PSD4: variants seen among roughly 807,000 people sequenced by gnomAD.
PSD4 encodes PH and SEC7 domain-containing protein 4.
PSD4 carries 59 observed loss-of-function variants against 112.5 expected under a neutral mutation model. The ratio of observed to expected loss-of-function variants is 0.52; its 90% CI spans 0.43 to 0.65. The LOEUF (loss-of-function observed/expected upper bound fraction) is 0.65, where lower values mean the gene tolerates loss of function less well. Among genes scored for constraint, PSD4 ranks in the 30% least tolerant of loss-of-function variants. PSD4 has a pLI of 0.00. For synonymous variants in PSD4, 533 were observed against 540.0 expected (o/e 0.99, Z 0.18); for missense variants, 1,267 against 1,352.6 (o/e 0.94, Z 0.99).
chr2:113,199,815 C>T (rs1558660011), intron 16 of PSD4, among the ~76,000 whole-genome samples: 1 of 151,944 alleles, frequency 6.6e-6, no homozygotes, highest in Non-Finnish European at 1.5e-5. Context: ...AAGAAATGAC[C>T]GTGTTTTTTT....
rs746182585 is a variant in PSD4, at chr2:113,186,114, A to C, written c.1487A>C (p.Asp496Ala). 6.2e-7 allele frequency: 1 copy of C among 1,614,208 alleles called. No homozygotes were observed. Among genetic ancestry groups the C allele is most frequent in the South Asian group, 1.1e-5 (1 of 91,086 alleles). Reference protein sequence around the residue: ...DASQSSLLETDGEQPSSLKKK... With the variant: ...DASQSSLLETAGEQPSSLKKK... ...TCACAGTCTTCACTCTTGGAGACGG[A>C]TGGGGAACAGCCAAGTTCCTTGAAG... The change falls in exon 5 of 17, where the codon GAT becomes GCT. Residue 496 changes from aspartate to alanine, a missense_variant. Physicochemically the swap from Asp to Ala is moderately radical, Grantham distance 126. This residue lies in a region of PSD4 where 723 missense variants were observed against 704.0 expected (regional missense o/e 1.03). Transcript: ENST00000245796.
chr2:113,197,284 A>T (rs1573376025), intron 12 of PSD4: 1 of 474,094 alleles, frequency 2.1e-6, no homozygotes. Flanking sequence ...GTGTGTTTGG[A>T]GTTGGAGAGA....
intron 5 of PSD4, among the ~76,000 whole-genome samples, chr2:113,187,301 G>T (rs1688327280): frequency 6.6e-6 from 1 of 152,228 alleles, no homozygotes; most frequent in Non-Finnish European, 1.5e-5. Context: ...AGGCACGTGG[G>T]ATTGTCTCCC....
chr2:113,198,712 C>G, intron 14 of PSD4, 28 bp from the exon 15 acceptor site: 5 of 1,516,380 alleles, frequency 3.3e-6, no homozygotes, highest in Non-Finnish European at 4.4e-6. Flanking sequence ...TCTGTGTCCC[C>G]GGGGACCAAC....
Position 113,201,367 on chromosome 2 carries a change from C to T in PSD4, c.3123C>T (p.Arg1041=), listed in dbSNP as rs761683758. 1.9e-6 allele frequency: 3 copies of T among 1,614,182 alleles called. No homozygotes were observed. Among genetic ancestry groups the T allele is most frequent in the Admixed American group, 1.7e-5 (1 of 60,028 alleles). Residue 1041 remains arginine (R), a synonymous_variant, in exon 17 of 17, where the codon CGC becomes CGT. Coordinates refer to ENST00000245796, the MANE Select transcript of PSD4 (RefSeq NM_012455.3). Reference sequence around the variant, plus strand: ...AGGTGAAGCGCAACATCTCAGAGCGCAGAACCTACCGGAAGATCATCCCTA... The same window carrying T: ...AGGTGAAGCGCAACATCTCAGAGCGTAGAACCTACCGGAAGATCATCCCTA... ...TAKVKRNISE[R]RTYRKIIPKR... is the part of the protein sequence containing the mutation.
At chr2:113,195,858 A>C (rs1688593291) in intron 11 of PSD4, 88 bp downstream of exon 11, 1 of 1,545,878 alleles carries the variant, frequency 6.5e-7, no homozygotes. Context: ...CGAGAGTTAG[A>C]GAAACTCAGA....
Position 113,197,714 on chromosome 2 carries a change from A to G in PSD4, c.2458-33A>G, listed in dbSNP as rs762829178. 2.5e-5 allele frequency: 40 copies of G among 1,609,198 alleles called. 2 individuals carry two copies. The South Asian group carries it at 4.2e-4, about 17-fold the overall frequency. ...CAGTCTGGAGGGTGGGCAGCTGATG[A>G]TAACCTCTTCTCTGAGCCCCTGTGA... On this transcript the variant is annotated intron_variant, in intron 13 of 16. Transcript: ENST00000245796.
chr2:113,181,580 C>A (rs1218236605), intron 1 of PSD4, among the ~76,000 whole-genome samples: 2 of 152,186 alleles, frequency 1.3e-5, no homozygotes, highest in African/African-American at 4.8e-5. Flanking sequence ...GACATGGCTG[C>A]CACATCCCAG....
In PSD4 at chr2:113,182,449, C is replaced by T. The variant is rs1023198055; in HGVS notation, c.-8C>T. On this transcript the variant is annotated 5_prime_UTR_variant, in exon 2 of 17. Transcript: ENST00000245796. ...CCGGGGCACTCCTGGGCAGCTTTTG[C>T]TCAGTGGATGATGGGTGACTACAGA... The T allele has an allele frequency of 1.3e-6, 2 of 1,596,056 alleles. No homozygotes were observed. The highest frequency in any genetic ancestry group is 1.7e-6 in the Non-Finnish European group (2 of 1,168,500).
At chr2:113,193,423 G>A (rs1688512286) in intron 8 of PSD4, 53 bp downstream of exon 8, 2 of 1,563,442 alleles carry the variant, frequency 1.3e-6, no homozygotes, top group East Asian at 4.5e-5. Flanking sequence ...GGGTGCCCAT[G>A]TCTGCTTGGG....
At position 113,182,481 on chromosome 2, in the gene PSD4, G is replaced by C. The variant is rs763862893; in HGVS notation, c.25G>C (p.Asp9His). 60 of 1,612,556 alleles carry C rather than the reference G, an allele frequency of 3.7e-5. No homozygotes were observed. Among genetic ancestry groups the C allele is most frequent in the Non-Finnish European group, 4.8e-5 (57 of 1,179,068 alleles). The change falls in exon 2 of 17, where the codon GAC becomes CAC. Residue 9 changes from aspartate to histidine, a missense_variant. Asp to His is a moderately conservative substitution (Grantham distance 81, BLOSUM62 -1). Coordinates refer to ENST00000245796, the MANE Select transcript of PSD4 (RefSeq NM_012455.3). ...GATGATGGGTGACTACAGACTCCCT[G>C]ACCACCCCCAGCCCATGGAAATTCT... Reference protein sequence around the residue: MMGDYRLPDHPQPMEILNL... With the variant: MMGDYRLPHHPQPMEILNL...
intron 1 of PSD4, among the ~76,000 whole-genome samples, chr2:113,178,771 G>A (rs1688045118): frequency 6.6e-6 from 1 of 152,128 alleles, no homozygotes; most frequent in African/African-American, 2.4e-5. Context: ...ATAGGGCCAT[G>A]AGGCTGGCAC....
At chr2:113,177,790 G>A (rs974054385) in intron 1 of PSD4, among the ~76,000 whole-genome samples, 2 of 152,178 alleles carry the variant, frequency 1.3e-5, no homozygotes, top group African/African-American at 4.8e-5. Flanking sequence ...TAAAGAACCT[G>A]CCATCTTGGT....
At chr2:113,196,479 G>C in intron 12 of PSD4, 172 bp downstream of exon 12, 1 of 840,926 alleles carries the variant, frequency 1.2e-6, no homozygotes, top group South Asian at 2.0e-5. Context: ...TGGATGCTGT[G>C]TGAGGCACTA....
At chr2:113,182,209 C>A in intron 1 of PSD4, 137 bp from the exon 2 acceptor site, 1 of 462,982 alleles carries the variant, frequency 2.2e-6, no homozygotes, top group Non-Finnish European at 3.9e-6. Context: ...TTACTCCCAG[C>A]AGGGCTGTGG....
Position 113,185,156 on chromosome 2 carries a change from C to G in PSD4, c.1173+83C>G, listed in dbSNP as rs1688259266. 2.5e-6 allele frequency: 4 copies of G among 1,598,726 alleles called. No homozygotes were observed. The South Asian group carries it at 4.5e-5, about 18-fold the overall frequency. ...GCCCATTCATTTCCAGGGCCTAGCA[C>G]CAACAATCCTAGGATGTGGGGCTTC... On this transcript the variant is annotated intron_variant, in intron 3 of 16. Transcript: ENST00000245796.
intron 16 of PSD4, 36 bp downstream of exon 16, chr2:113,199,262 G>A: frequency 7.0e-7 from 1 of 1,423,446 alleles, no homozygotes; most frequent in Non-Finnish European, 9.1e-7. Flanking sequence ...CCGCTGCGCA[G>A]CGCCCTCTCC....
At chr2:113,189,257 A>C (rs930984370) in intron 5 of PSD4, among the ~76,000 whole-genome samples, 2 of 151,688 alleles carry the variant, frequency 1.3e-5, no homozygotes, top group African/African-American at 4.8e-5. Flanking sequence ...TTTTATGGCT[A>C]AGTAGTATTG....
rs753774720 is a variant in PSD4, at chr2:113,196,198, T to C, written c.2277T>C (p.Ala759=). The change falls in exon 12 of 17, where the codon GCT becomes GCC. Residue 759 remains alanine (A), a synonymous_variant. Transcript: ENST00000245796. The part of the protein sequence containing the change: ...RPEKAQPSLP[A]GKMSKPFLQL... ...AGAAGGCCCAGCCGTCCCTGCCAGCTGGCAAGATGAGCAAGCCCTTCCTTC... is the reference window on the plus strand; with the variant it reads ...AGAAGGCCCAGCCGTCCCTGCCAGCCGGCAAGATGAGCAAGCCCTTCCTTC... The C allele has an allele frequency of 3.1e-6, 5 of 1,613,816 alleles. No homozygotes were observed. Among genetic ancestry groups the C allele is most frequent in the African/African-American group, 2.7e-5 (2 of 74,936 alleles).
Sources: gnomAD v4.1 joint callset for allele counts (sites outside exome capture counted in the v4.1 genomes callset) on GRCh38, gnomAD v4.1.1 for gene constraint, gnomAD v4.1.1 regional missense constraint, MANE v1.5 for transcripts, NCBI Gene and HGNC (gene_info 2026-07-23, HGNC 2026-07-21) for gene names.